MAGI2: variants seen among roughly 807,000 people sequenced by gnomAD.
MAGI2 encodes membrane associated guanylate kinase, WW and PDZ domain containing 2.
A neutral mutation model predicts 133.3 loss-of-function variants in MAGI2; 35 were observed. That is an observed-to-expected ratio of 0.26 (90% CI 0.20 to 0.35). MAGI2 has a LOEUF of 0.35. Among genes scored for constraint, MAGI2 ranks in the 10% least tolerant of loss-of-function variants. The pLI is 1.00. For synonymous variants in MAGI2, 729 were observed against 710.6 expected (o/e 1.03, Z -0.41); for missense variants, 1,636 against 1,863.4 (o/e 0.88, Z 2.25).
chr7:78,581,564 A>T (rs1007671713), intron 3 of MAGI2, among the ~76,000 whole-genome samples: 1 of 152,160 alleles, frequency 6.6e-6, no homozygotes, highest in African/African-American at 2.4e-5. Flanking sequence ...ATCACACACT[A>T]CTTGAAATAA....
At position 78,330,368 on chromosome 7, in the gene MAGI2, A is replaced by C. The variant is rs1469269778; in HGVS notation, c.1408+13410T>G. On this transcript the variant is annotated intron_variant, in intron 9 of 21. Coordinates refer to ENST00000354212, the MANE Select transcript of MAGI2 (RefSeq NM_012301.4). The stretch of plus-strand genomic sequence containing the variant: ...CGCGGTGGCTCACGCCTGTAATCCC[A>C]GCACTTTGGGAGGCCGAGGCGGGCG... 2.4e-4 allele frequency among the ~76,000 whole-genome samples: 9 copies of C among 37,052 alleles called. 2 individuals carry two copies. The highest frequency in any genetic ancestry group is 1.2e-3 in the African/African-American group (9 of 7,598). 24.3% of individuals were successfully genotyped at this position (37,052 alleles called of 152,430 possible).
intron 3 of MAGI2, among the ~76,000 whole-genome samples, chr7:78,576,479 C>T (rs1039244986): frequency 6.6e-5 from 10 of 152,212 alleles, no homozygotes; most frequent in African/African-American, 2.4e-4. Context: ...AACCAGAATT[C>T]CTCTCTTCCA....
At chr7:78,209,716 C>T (rs550528864) in intron 10 of MAGI2, among the ~76,000 whole-genome samples, 1 of 152,168 alleles carries the variant, frequency 6.6e-6, no homozygotes, top group Non-Finnish European at 1.5e-5. Context: ...GCTGAAACAA[C>T]AGCAAATTTG....
Position 78,330,479 on chromosome 7 carries a change from A to C in MAGI2, c.1408+13299T>G. 2.2e-5 allele frequency among the ~76,000 whole-genome samples: 2 copies of C among 90,654 alleles called. 1 individual carries two copies. Among genetic ancestry groups the C allele is most frequent in the Non-Finnish European group, 4.7e-5 (2 of 42,374 alleles). 59.5% of individuals were successfully genotyped at this position (90,654 alleles called of 152,430 possible). A position where few individuals can be genotyped will look rare whatever the true frequency, so the allele number is the denominator to read the frequency against. On this transcript the variant is annotated intron_variant, in intron 9 of 21. Coordinates refer to ENST00000354212, the MANE Select transcript of MAGI2 (RefSeq NM_012301.4). ...AAAAATACAAAAAATTAGCCGGGCG[A>C]GGTGGCGGGCGCCTGTAGTCCCAGC...
At chr7:78,573,386 A>ATATATAGGC (rs1801927688) in intron 3 of MAGI2, among the ~76,000 whole-genome samples, 2 of 69,800 alleles carry the variant, frequency 2.9e-5, no homozygotes, top group African/African-American at 1.5e-4. Flanking sequence ...ATATATATAT[A>ATATATAGGC]TATATATATA....
At chr7:78,357,939 A>G (rs976499743) in intron 7 of MAGI2, among the ~76,000 whole-genome samples, 4 of 151,572 alleles carry the variant, frequency 2.6e-5, no homozygotes, top group African/African-American at 9.7e-5. Context: ...TTATCTAATT[A>G]AATATGAAAT....
chr7:79,249,921 A>C (rs899611883), intron 1 of MAGI2, among the ~76,000 whole-genome samples: 10 of 152,100 alleles, frequency 6.6e-5, no homozygotes, highest in Admixed American at 3.3e-4. Flanking sequence ...AAACTAGCAA[A>C]CCAATTTCAA....
intron 7 of MAGI2, among the ~76,000 whole-genome samples, chr7:78,357,079 CT>C (rs1792163025): frequency 6.6e-6 from 1 of 152,148 alleles, no homozygotes; most frequent in Admixed American, 6.5e-5. Flanking sequence ...AGATGAAGCA[CT>C]GTATAAATTT....
At chr7:78,257,613 A>C (rs576087393) in intron 9 of MAGI2, among the ~76,000 whole-genome samples, 1 of 152,334 alleles carries the variant, frequency 6.6e-6, no homozygotes, top group East Asian at 1.9e-4. Flanking sequence ...GCAGAAAATC[A>C]TGGCTGTTTG....
At chr7:78,242,982 G>A (rs973802297) in intron 10 of MAGI2, among the ~76,000 whole-genome samples, 4 of 152,042 alleles carry the variant, frequency 2.6e-5, no homozygotes, top group Non-Finnish European at 4.4e-5. Flanking sequence ...TGAGGTGGGG[G>A]GATCGCTTGA....
intron 6 of MAGI2, among the ~76,000 whole-genome samples, chr7:78,446,492 C>T (rs1437327914): frequency 1.3e-5 from 2 of 152,058 alleles, no homozygotes; most frequent in Non-Finnish European, 2.9e-5. Flanking sequence ...ACCACTGAGG[C>T]AAATAGTTAT....
At chr7:78,595,943 C>T (rs1804544714) in intron 3 of MAGI2, among the ~76,000 whole-genome samples, 1 of 152,108 alleles carries the variant, frequency 6.6e-6, no homozygotes, top group African/African-American at 2.4e-5. Flanking sequence ...ATTCAGCTCT[C>T]TTTTGGTAGA....
chr7:78,193,152 T>C (rs1828398655), intron 12 of MAGI2, among the ~76,000 whole-genome samples: 1 of 152,098 alleles, frequency 6.6e-6, no homozygotes, highest in African/African-American at 2.4e-5. Flanking sequence ...CAGACAACCA[T>C]AAAGAGAAAA....
chr7:78,253,050 T>C (rs756636847), intron 10 of MAGI2: 3 of 152,022 alleles, frequency 2.0e-5, no homozygotes, highest in Non-Finnish European at 2.9e-5. Context: ...TTCTTACAGC[T>C]GAGCAATACT....
chr7:78,704,211 C>G (rs1481842296), intron 2 of MAGI2, among the ~76,000 whole-genome samples: 1 of 151,980 alleles, frequency 6.6e-6, no homozygotes, highest in Admixed American at 6.6e-5. Flanking sequence ...GGAACTTAAA[C>G]AAATTACAAC....
chr7:78,277,730 C>T (rs369631367), intron 9 of MAGI2, among the ~76,000 whole-genome samples: 3 of 152,126 alleles, frequency 2.0e-5, no homozygotes, highest in African/African-American at 4.8e-5. Context: ...CCATTGATTT[C>T]GCCAAGTGGG....
chr7:78,673,296 A>G (rs1397585148), intron 2 of MAGI2, among the ~76,000 whole-genome samples: 1 of 151,528 alleles, frequency 6.6e-6, no homozygotes, highest in Non-Finnish European at 1.5e-5. Flanking sequence ...ACACACAGAC[A>G]CACACACACA....
chr7:78,573,273 A>T (rs865931776), intron 3 of MAGI2, among the ~76,000 whole-genome samples: 20 of 51,668 alleles, frequency 3.9e-4, no homozygotes, highest in East Asian at 8.3e-4. Context: ...AATATATATA[A>T]ATATATATAT....
At chr7:78,360,353 C>G (rs1266974757) in intron 7 of MAGI2, among the ~76,000 whole-genome samples, 1 of 152,114 alleles carries the variant, frequency 6.6e-6, no homozygotes, top group Non-Finnish European at 1.5e-5. Flanking sequence ...ATGCCAGTCA[C>G]CAAGAGGATA....
Sources: gnomAD v4.1 joint callset for allele counts (sites outside exome capture counted in the v4.1 genomes callset) on GRCh38, gnomAD v4.1.1 for gene constraint, MANE v1.5 for transcripts, NCBI Gene and HGNC (gene_info 2026-07-23, HGNC 2026-07-21) for gene names.